The following NRG1 variants were observed in gnomAD, a reference collection of about 807,000 sequenced individuals.
NRG1 encodes pro-neuregulin-1, membrane-bound isoform.
NRG1 carries 18 observed loss-of-function variants against 63.8 expected under a neutral mutation model. That is an observed-to-expected ratio of 0.28 (90% confidence interval 0.19 to 0.42). The LOEUF (loss-of-function observed/expected upper bound fraction) is 0.42, where lower values mean the gene tolerates loss of function less well. Among genes scored for constraint, NRG1 ranks in the 10% least tolerant of loss-of-function variants. The probability of loss-of-function intolerance (pLI) is 1.00; values close to 1 mark genes in which losing one functional copy is unlikely to be tolerated. For missense variants in NRG1, 762 were observed against 814.7 expected (o/e 0.94, Z 0.79); for synonymous variants, 302 against 301.3 (o/e 1.00, Z -0.02).
chr8:32,550,301 C>A (rs1833876530), intron 1 of NRG1, among the ~76,000 whole-genome samples: 1 of 152,074 alleles, frequency 6.6e-6, no homozygotes, highest in Non-Finnish European at 1.5e-5. Flanking sequence ...CTTTATTCAA[C>A]AAGATAGGAA....
chr8:32,379,437 A>G, intron 1 of NRG1, among the ~76,000 whole-genome samples: 1 of 152,326 alleles, frequency 6.6e-6, no homozygotes, highest in East Asian at 1.9e-4. Context: ...TCCTCTGGTC[A>G]TAGGTGGAGA....
chr8:32,743,321 C>G, intron 7 of NRG1: 5 of 658,200 alleles, frequency 7.6e-6, no homozygotes, highest in Non-Finnish European at 9.4e-6. Context: ...CATTTCACAG[C>G]AAATGAGATA....
chr8:32,390,628 A>G (rs1811624807), intron 1 of NRG1, among the ~76,000 whole-genome samples: 1 of 151,390 alleles, frequency 6.6e-6, no homozygotes, highest in Non-Finnish European at 1.5e-5. Flanking sequence ...AAGAAGAAGA[A>G]GAAGAAAAGA....
intron 1 of NRG1, among the ~76,000 whole-genome samples, chr8:32,188,060 A>G (rs1019069465): frequency 2.6e-5 from 4 of 151,814 alleles, no homozygotes; most frequent in African/African-American, 9.7e-5. Context: ...TCTTTACTCT[A>G]GGATTATAGA....
At chr8:31,890,223 T>C (rs1045992501) in intron 1 of NRG1, among the ~76,000 whole-genome samples, 5 of 152,186 alleles carry the variant, frequency 3.3e-5, no homozygotes, top group Non-Finnish European at 7.3e-5. Flanking sequence ...ACCATTATCC[T>C]AGAGAAAATA....
At chr8:32,205,096 T>C (rs1010594424) in intron 1 of NRG1, among the ~76,000 whole-genome samples, 1 of 152,192 alleles carries the variant, frequency 6.6e-6, no homozygotes, top group African/African-American at 2.4e-5. Context: ...TGTTGTTAAG[T>C]AAACATATCA....
At chr8:32,385,587 T>C (rs774541621) in intron 1 of NRG1, among the ~76,000 whole-genome samples, 2 of 152,192 alleles carry the variant, frequency 1.3e-5, no homozygotes, top group Non-Finnish European at 1.5e-5. Flanking sequence ...ACGTCTTACA[T>C]GGTAGGAACA....
intron 1 of NRG1, among the ~76,000 whole-genome samples, chr8:32,024,136 T>A (rs894184281): frequency 7.2e-5 from 11 of 152,206 alleles, no homozygotes; most frequent in Non-Finnish European, 1.2e-4. Context: ...CAGTTCCTGT[T>A]ACATTCTGTG....
intron 1 of NRG1, among the ~76,000 whole-genome samples, chr8:32,146,053 A>C (rs1180130388): frequency 2.0e-5 from 3 of 152,204 alleles, no homozygotes; most frequent in Non-Finnish European, 2.9e-5. Flanking sequence ...TGTACCTGGA[A>C]ATTTTAGATG....
intron 1 of NRG1, among the ~76,000 whole-genome samples, chr8:32,003,961 A>C (rs972295323): frequency 2.0e-5 from 3 of 151,974 alleles, no homozygotes; most frequent in Admixed American, 6.6e-5. Flanking sequence ...GTGAAAATGA[A>C]ACAAATTTAT....
intron 1 of NRG1, among the ~76,000 whole-genome samples, chr8:32,108,251 C>A (rs1436957710): frequency 1.3e-5 from 2 of 152,224 alleles, no homozygotes; most frequent in Non-Finnish European, 2.9e-5. Flanking sequence ...ATTTGTGCTG[C>A]TATAACAAAA....
chr8:32,344,734 C>T (rs2129478717), intron 1 of NRG1, among the ~76,000 whole-genome samples: 1 of 151,482 alleles, frequency 6.6e-6, no homozygotes, highest in African/African-American at 2.4e-5. Context: ...AGGTGTGAGC[C>T]ACCATATTTG....
intron 1 of NRG1, among the ~76,000 whole-genome samples, chr8:32,559,083 GAAAAAAA>G (rs35947086): frequency 2.3e-5 from 2 of 86,802 alleles, no homozygotes; most frequent in African/African-American, 4.7e-5. Flanking sequence ...TTGTCTCAGC[GAAAAAAA>G]AAAAAAAAAA....
chr8:32,350,390 T>A (rs1332479137), intron 1 of NRG1, among the ~76,000 whole-genome samples: 1 of 152,132 alleles, frequency 6.6e-6, no homozygotes, highest in Non-Finnish European at 1.5e-5. Context: ...GTTGGGAAAC[T>A]TGGAAAAGAG....
chr8:31,853,273 C>A (rs1363561672), intron 1 of NRG1, among the ~76,000 whole-genome samples: 1 of 151,600 alleles, frequency 6.6e-6, no homozygotes, highest in Non-Finnish European at 1.5e-5. Flanking sequence ...TGTTTGTATC[C>A]TCTTTTATTT....
chr8:32,486,627 A>ATTT (rs1554557143), intron 1 of NRG1, among the ~76,000 whole-genome samples: 11 of 145,518 alleles, frequency 7.6e-5, no homozygotes, highest in African/African-American at 2.6e-4. Flanking sequence ...GAATTGCTGG[A>ATTT]TTTTTTTTTT....
At chr8:32,726,766 AGGT>A in intron 5 of NRG1, among the ~76,000 whole-genome samples, 1 of 151,596 alleles carries the variant, frequency 6.6e-6, no homozygotes, top group South Asian at 2.1e-4. Context: ...AATACATGGC[AGGT>A]CAAATAAAAG....
intron 5 of NRG1, among the ~76,000 whole-genome samples, chr8:32,644,387 C>T (rs1010615516): frequency 6.6e-6 from 1 of 152,078 alleles, no homozygotes; most frequent in South Asian, 2.1e-4. Context: ...ACCTCTAACC[C>T]CATTCACACT....
intron 2 of NRG1, among the ~76,000 whole-genome samples, chr8:32,597,414 T>C (rs1021369493): frequency 2.0e-5 from 3 of 152,202 alleles, no homozygotes; most frequent in Non-Finnish European, 4.4e-5. Context: ...TTGACTCTAG[T>C]TATTGATCAT....
Sources: gnomAD v4.1 joint callset for allele counts (sites outside exome capture counted in the v4.1 genomes callset) on GRCh38, gnomAD v4.1.1 for gene constraint, MANE v1.5 for transcripts, NCBI Gene and HGNC (gene_info 2026-07-23, HGNC 2026-07-21) for gene names.